Variants in CFAP95 observed in about 807,000 individuals in gnomAD.
CFAP95 encodes cilia- and flagella-associated protein 95.
chr9:69,850,614 T>A, the CFAP95 span, among the ~76,000 whole-genome samples: 38 of 152,342 alleles, frequency 2.5e-4, no homozygotes, highest in South Asian at 7.0e-3. Context: ...TTGACCAGTA[T>A]AATCTTATAA....
chr9:69,878,857 T>G, the CFAP95 span, among the ~76,000 whole-genome samples: 1 of 152,196 alleles, frequency 6.6e-6, no homozygotes, highest in Non-Finnish European at 1.5e-5. Context: ...TGGCATCTGC[T>G]CAGCTTCTAG....
chr9:69,886,772 C>A, the CFAP95 span: 3 of 1,169,888 alleles, frequency 2.6e-6, no homozygotes, highest in South Asian at 1.3e-5. Flanking sequence ...AAGTGTATAC[C>A]AATAAAAATG....
chr9:69,839,149 AG>A, the CFAP95 span, among the ~76,000 whole-genome samples: 1 of 74,982 alleles, frequency 1.3e-5, no homozygotes, highest in Non-Finnish European at 2.7e-5. Flanking sequence ...TATTTTATTG[AG>A]GATTTTTGCA....
chr9:69,886,730 C>T, the CFAP95 span: 1 of 765,938 alleles, frequency 1.3e-6, no homozygotes, highest in Non-Finnish European at 2.1e-6. Flanking sequence ...TGATTAGGGC[C>T]AATCCTTCCT....
the CFAP95 span, among the ~76,000 whole-genome samples, chr9:69,891,915 C>T: frequency 6.6e-6 from 1 of 152,102 alleles, no homozygotes; most frequent in African/African-American, 2.4e-5. Flanking sequence ...CACTCTTGGA[C>T]TTCTATGCCC....
the CFAP95 span, among the ~76,000 whole-genome samples, chr9:69,831,044 G>A: frequency 6.6e-6 from 1 of 151,988 alleles, no homozygotes; most frequent in East Asian, 1.9e-4. Flanking sequence ...GTTATTATTG[G>A]TCACACCGTG....
the CFAP95 span, among the ~76,000 whole-genome samples, chr9:69,896,355 T>C: frequency 1.3e-5 from 2 of 152,358 alleles, no homozygotes; most frequent in Admixed American, 6.5e-5. Context: ...AACAAAAATT[T>C]GTGTGATATT....
At chr9:69,901,188 A>C in the CFAP95 span, among the ~76,000 whole-genome samples, 1 of 148,632 alleles carries the variant, frequency 6.7e-6, no homozygotes, top group Non-Finnish European at 1.5e-5. Flanking sequence ...CCCAGGCTGG[A>C]GTGCAGTGGC....
the CFAP95 span, among the ~76,000 whole-genome samples, chr9:69,841,185 T>TATTTCTGATTTATAA: frequency 7.6e-6 from 1 of 132,236 alleles, no homozygotes; most frequent in South Asian, 2.3e-4. Flanking sequence ...TATATATATA[T>TATTTCTGATTTATAA]ATATATATAT....
the CFAP95 span, among the ~76,000 whole-genome samples, chr9:69,851,628 A>C: frequency 6.6e-6 from 1 of 152,148 alleles, no homozygotes; most frequent in African/African-American, 2.4e-5. Context: ...ATTTTGTGAC[A>C]AGAAGTGGTT....
the CFAP95 span, among the ~76,000 whole-genome samples, chr9:69,877,346 T>C: frequency 6.6e-6 from 1 of 152,194 alleles, no homozygotes; most frequent in East Asian, 1.9e-4. Flanking sequence ...GATTTGTTTG[T>C]CAAGTTCTAC....
At chr9:69,903,681 C>T in the CFAP95 span, among the ~76,000 whole-genome samples, 4 of 152,194 alleles carry the variant, frequency 2.6e-5, no homozygotes, top group South Asian at 2.1e-4. Context: ...CATGGATTAA[C>T]AGGCAACAGT....
the CFAP95 span, among the ~76,000 whole-genome samples, chr9:69,849,078 C>T: frequency 1.3e-5 from 2 of 152,174 alleles, no homozygotes; most frequent in African/African-American, 4.8e-5. Context: ...TATCATATCT[C>T]TCTATCCCCT....
chr9:69,839,423 G>T, the CFAP95 span, among the ~76,000 whole-genome samples: 1 of 151,774 alleles, frequency 6.6e-6, no homozygotes, highest in African/African-American at 2.4e-5. Flanking sequence ...CCTGTTATTG[G>T]TCTATTCAGA....
At chr9:69,845,061 A>T in the CFAP95 span, among the ~76,000 whole-genome samples, 1 of 152,200 alleles carries the variant, frequency 6.6e-6, no homozygotes, top group African/African-American at 2.4e-5. Flanking sequence ...GGCGTGGAAG[A>T]GGGAGAGTTT....
chr9:69,895,357 C>CTGTG, the CFAP95 span, among the ~76,000 whole-genome samples: 1 of 122,766 alleles, frequency 8.1e-6, no homozygotes, highest in African/African-American at 3.3e-5. Context: ...CTCTCTCTCT[C>CTGTG]TCTCTCTCTC....
the CFAP95 span, among the ~76,000 whole-genome samples, chr9:69,835,576 C>T: frequency 5.4e-3 from 829 of 152,304 alleles, 2 homozygotes; most frequent in Middle Eastern, 0.02. Flanking sequence ...GTTTGAAAGC[C>T]GTTGCTTTCA....
the CFAP95 span, among the ~76,000 whole-genome samples, chr9:69,893,851 G>A: frequency 6.6e-6 from 1 of 152,036 alleles, no homozygotes; most frequent in Non-Finnish European, 1.5e-5. Context: ...TCTTTGTCTT[G>A]TTAATTGCCT....
the CFAP95 span, among the ~76,000 whole-genome samples, chr9:69,856,388 T>C: frequency 6.6e-6 from 1 of 152,252 alleles, no homozygotes; most frequent in African/African-American, 2.4e-5. Context: ...TTGCTATTTT[T>C]ACATATTTAT....
Sources: allele counts gnomAD v4.1 joint callset (sites outside exome capture counted in the v4.1 genomes callset), GRCh38; gene constraint gnomAD v4.1.1; transcripts MANE v1.5; gene names NCBI Gene and HGNC (gene_info 2026-07-23, HGNC 2026-07-21).